Variants in CNTNAP2 observed in about 807,000 individuals in gnomAD.
CNTNAP2 encodes the protein contactin-associated protein-like 2.
CNTNAP2 carries 98 observed loss-of-function variants against 155.2 expected under a neutral mutation model. That is an observed-to-expected ratio of 0.63 (90% confidence interval 0.54 to 0.75). CNTNAP2 has a LOEUF of 0.75. Among genes scored for constraint, CNTNAP2 ranks in the 30% least tolerant of loss-of-function variants. The pLI, the probability that CNTNAP2 is intolerant of heterozygous loss-of-function variation, is 0.00. For synonymous variants in CNTNAP2, 651 were observed against 631.2 expected, an observed-to-expected ratio of 1.03 and a Z score of -0.47; for missense variants, 1,727 against 1,688.1, an observed-to-expected ratio of 1.02 and a Z score of -0.40.
intron 2 of CNTNAP2, among the ~76,000 whole-genome samples, chr7:146,805,236 A>G (rs1402797067): frequency 6.6e-6 from 1 of 152,210 alleles, no homozygotes; most frequent in Non-Finnish European, 1.5e-5. Context: ...GCATACTGAC[A>G]GTGCTTACAT....
intron 1 of CNTNAP2, among the ~76,000 whole-genome samples, chr7:146,599,077 A>G (rs923827057): frequency 6.6e-6 from 1 of 152,084 alleles, no homozygotes; most frequent in African/African-American, 2.4e-5. Context: ...ATAAAAAATA[A>G]CTAATCAAAA....
At chr7:146,321,363 A>G (rs1055917213) in intron 1 of CNTNAP2, among the ~76,000 whole-genome samples, 1 of 152,152 alleles carries the variant, frequency 6.6e-6, no homozygotes, top group African/African-American at 2.4e-5. Context: ...GTGCCATTCT[A>G]TCTGGTTTTC....
chr7:148,385,754 T>G (rs1231259456), intron 22 of CNTNAP2, among the ~76,000 whole-genome samples: 166 of 102,654 alleles, frequency 1.6e-3, no homozygotes, highest in African/African-American at 5.9e-3. Flanking sequence ...TTTTTTTTTT[T>G]TTTTTTGGAG....
chr7:146,806,770 T>C (rs953213373), intron 2 of CNTNAP2, among the ~76,000 whole-genome samples: 2 of 152,034 alleles, frequency 1.3e-5, no homozygotes, highest in African/African-American at 4.8e-5. Context: ...CAGAACAGAG[T>C]AGGAGAAAAC....
At chr7:146,662,154 T>TTA (rs1800101289) in intron 1 of CNTNAP2, among the ~76,000 whole-genome samples, 4 of 152,034 alleles carry the variant, frequency 2.6e-5, no homozygotes, top group African/African-American at 9.7e-5. Context: ...TTTTTTTTTT[T>TTA]AGACGGAGTC....
intron 12 of CNTNAP2, among the ~76,000 whole-genome samples, chr7:147,603,743 A>G (rs1801003606): frequency 6.6e-6 from 1 of 152,158 alleles, no homozygotes; most frequent in Non-Finnish European, 1.5e-5. Context: ...TATGGAACCA[A>G]AAAAGAGCCC....
At chr7:146,288,814 T>G (rs1246311094) in intron 1 of CNTNAP2, among the ~76,000 whole-genome samples, 2 of 142,180 alleles carry the variant, frequency 1.4e-5, no homozygotes, top group South Asian at 2.3e-4. Flanking sequence ...TTTTTTTTTT[T>G]TTTTTTTTGA....
chr7:146,590,938 T>C (rs1798772529), intron 1 of CNTNAP2, among the ~76,000 whole-genome samples: 1 of 152,156 alleles, frequency 6.6e-6, no homozygotes, highest in African/African-American at 2.4e-5. Context: ...TAGATTTTTT[T>C]ACTGTTAAGT....
At chr7:147,500,080 G>A (rs1204415490) in intron 11 of CNTNAP2, among the ~76,000 whole-genome samples, 1 of 138,744 alleles carries the variant, frequency 7.2e-6, no homozygotes, top group Non-Finnish European at 1.6e-5. Context: ...TAAAACCAGA[G>A]CAAGATTTTT....
At chr7:147,330,697 C>T (rs10500176) in intron 9 of CNTNAP2, among the ~76,000 whole-genome samples, 28,857 of 152,076 alleles carry the variant, frequency 0.19, 2,977 homozygotes, top group East Asian at 0.36. Context: ...TTGGTATGAA[C>T]AGTTTTACTA....
At chr7:146,671,442 C>A (rs1800303494) in intron 1 of CNTNAP2, among the ~76,000 whole-genome samples, 1 of 151,866 alleles carries the variant, frequency 6.6e-6, no homozygotes, top group African/African-American at 2.4e-5. Flanking sequence ...CACACACACA[C>A]ACACACACAC....
At chr7:146,276,478 T>C (rs1053552220) in intron 1 of CNTNAP2, among the ~76,000 whole-genome samples, 6 of 152,226 alleles carry the variant, frequency 3.9e-5, no homozygotes, top group African/African-American at 1.2e-4. Context: ...ATCTTTAATG[T>C]TTCAGTTTAA....
At chr7:146,679,360 T>TTTC (rs1321840443) in intron 1 of CNTNAP2, among the ~76,000 whole-genome samples, 5 of 145,624 alleles carry the variant, frequency 3.4e-5, no homozygotes, top group Non-Finnish European at 6.0e-5. Flanking sequence ...TTTTTTTTTT[T>TTTC]TTTTTTTGGA....
intron 8 of CNTNAP2, among the ~76,000 whole-genome samples, chr7:147,289,011 T>C (rs1251882522): frequency 6.6e-6 from 1 of 152,192 alleles, no homozygotes; most frequent in Non-Finnish European, 1.5e-5. Context: ...ATATACATTA[T>C]GACTCATGAA....
chr7:148,016,934 C>T (rs965746569), intron 15 of CNTNAP2, among the ~76,000 whole-genome samples: 1 of 152,188 alleles, frequency 6.6e-6, no homozygotes, highest in African/African-American at 2.4e-5. Context: ...GCATCCCTCT[C>T]TCTCTAAAAA....
chr7:146,907,043 A>G (rs1454262445), intron 3 of CNTNAP2, among the ~76,000 whole-genome samples: 1 of 151,052 alleles, frequency 6.6e-6, no homozygotes, highest in African/African-American at 2.4e-5. Context: ...ACCGGAAGAA[A>G]GGGTATCAGC....
At chr7:146,730,769 C>G (rs1038166777) in intron 1 of CNTNAP2, among the ~76,000 whole-genome samples, 5 of 152,168 alleles carry the variant, frequency 3.3e-5, no homozygotes, top group Non-Finnish European at 7.3e-5. Context: ...AATTCTCTCA[C>G]TTAGTGAAAT....
chr7:146,188,661 A>T (rs1362223521), intron 1 of CNTNAP2, among the ~76,000 whole-genome samples: 1 of 152,210 alleles, frequency 6.6e-6, no homozygotes, highest in Non-Finnish European at 1.5e-5. Context: ...TATGAGACAT[A>T]AAATTATTCT....
intron 8 of CNTNAP2, among the ~76,000 whole-genome samples, chr7:147,290,737 G>A (rs1159856916): frequency 1.3e-5 from 2 of 150,598 alleles, no homozygotes; most frequent in East Asian, 3.9e-4. Context: ...AGAGGCACTG[G>A]ATATACAGTG....
Sources: gnomAD v4.1 joint callset for allele counts (sites outside exome capture counted in the v4.1 genomes callset) on GRCh38, gnomAD v4.1.1 for gene constraint, MANE v1.5 for transcripts, NCBI Gene and HGNC (gene_info 2026-07-23, HGNC 2026-07-21) for gene names.